The following SNX29 variants were observed in gnomAD, a reference collection of about 807,000 sequenced individuals.
The protein encoded by SNX29 is sorting nexin-29.
Under a neutral mutation model 102.1 loss-of-function variants are expected in SNX29, and 78 were observed. The observed-to-expected ratio is 0.76, with a 90% CI of 0.64 to 0.92. SNX29 has a LOEUF of 0.92. Among genes scored for constraint, SNX29 ranks in the 40% least tolerant of loss-of-function variants. SNX29 has a pLI of 0.00. For synonymous variants in SNX29, 580 were observed against 414.5 expected (o/e 1.40, Z -4.85); for missense variants, 1,280 against 1,061.7 (o/e 1.21, Z -2.86).
intron 16 of SNX29, among the ~76,000 whole-genome samples, chr16:12,381,906 C>T (rs1267241930): frequency 3.3e-5 from 5 of 149,894 alleles, no homozygotes; most frequent in Admixed American, 3.3e-4. Flanking sequence ...CTCCCGTCAT[C>T]CATCTACCCA....
At chr16:12,368,269 C>G (rs1041666677) in intron 16 of SNX29, among the ~76,000 whole-genome samples, 2 of 152,184 alleles carry the variant, frequency 1.3e-5, no homozygotes, top group African/African-American at 4.8e-5. Flanking sequence ...CCCTGAAGAT[C>G]AAAGTTTCGT....
chr16:12,172,126 A>C (rs1285377814), intron 13 of SNX29, among the ~76,000 whole-genome samples: 1 of 152,204 alleles, frequency 6.6e-6, no homozygotes, highest in South Asian at 2.1e-4. Context: ...AGACTTAACA[A>C]CATGAAGTGT....
chr16:12,031,609 A>G (rs577190263), intron 4 of SNX29, among the ~76,000 whole-genome samples: 174 of 151,762 alleles, frequency 1.1e-3, no homozygotes, highest in African/African-American at 4.1e-3. Context: ...AATCGAGACC[A>G]TCCTAGCTAA....
chr16:12,560,870 T>TTAGTTCA (rs1241407946), intron 20 of SNX29: 3 of 186,186 alleles, frequency 1.6e-5, no homozygotes, highest in Non-Finnish European at 3.4e-5. Context: ...TGTTAGTCCT[T>TTAGTTCA]TAGTTCAAGA....
chr16:12,292,269 C>T (rs933506710), intron 15 of SNX29, among the ~76,000 whole-genome samples: 3 of 152,150 alleles, frequency 2.0e-5, no homozygotes, highest in African/African-American at 7.2e-5. Flanking sequence ...GGCAAGACGC[C>T]TCCATAGTTC....
chr16:12,023,366 T>G (rs1596619623), intron 3 of SNX29, among the ~76,000 whole-genome samples: 1 of 144,778 alleles, frequency 6.9e-6, no homozygotes, highest in Non-Finnish European at 1.5e-5. Flanking sequence ...GAGAGTATTC[T>G]GGGAACCCCC....
At chr16:12,093,056 T>C (rs972163206) in intron 11 of SNX29, among the ~76,000 whole-genome samples, 8 of 152,194 alleles carry the variant, frequency 5.3e-5, no homozygotes, top group African/African-American at 7.2e-5. Context: ...TGCTGTCTTA[T>C]GGAGTTTGTA....
chr16:12,023,247 A>G (rs2057082595), intron 3 of SNX29, among the ~76,000 whole-genome samples: 1 of 151,968 alleles, frequency 6.6e-6, no homozygotes, highest in Admixed American at 6.6e-5. Context: ...TAAGTGACCC[A>G]CTTATTTAAA....
At chr16:12,487,130 G>A (rs576110338) in intron 19 of SNX29, among the ~76,000 whole-genome samples, 1 of 152,164 alleles carries the variant, frequency 6.6e-6, no homozygotes, top group East Asian at 1.9e-4. Context: ...ATTGAAGGTG[G>A]TTACATCTGT....
chr16:12,171,020 A>C (rs751810309), intron 13 of SNX29, among the ~76,000 whole-genome samples: 2 of 151,920 alleles, frequency 1.3e-5, no homozygotes, highest in Non-Finnish European at 2.9e-5. Context: ...CATATCTTAG[A>C]TCACATAGCA....
chr16:12,150,101 G>A (rs147752821), intron 13 of SNX29, among the ~76,000 whole-genome samples: 1 of 152,290 alleles, frequency 6.6e-6, no homozygotes, highest in East Asian at 1.9e-4. Flanking sequence ...CGGTTCTGTG[G>A]ATAGTGGGCA....
intron 16 of SNX29, among the ~76,000 whole-genome samples, chr16:12,362,808 A>G (rs1460796385): frequency 6.6e-6 from 1 of 152,042 alleles, no homozygotes; most frequent in Non-Finnish European, 1.5e-5. Flanking sequence ...GTCATGTTAC[A>G]TTGATTTATC....
intron 11 of SNX29, among the ~76,000 whole-genome samples, chr16:12,124,691 T>C (rs554854554): frequency 1.3e-3 from 200 of 152,350 alleles, no homozygotes; most frequent in South Asian, 2.5e-3. Flanking sequence ...GGTTCCTTGC[T>C]CAGCTGCATT....
At chr16:12,522,030 G>C (rs981438869) in intron 19 of SNX29, among the ~76,000 whole-genome samples, 4 of 152,088 alleles carry the variant, frequency 2.6e-5, no homozygotes, top group African/African-American at 9.7e-5. Context: ...TGGAGAAGAA[G>C]ACTTTGTTGT....
intron 11 of SNX29, chr16:12,090,317 G>A (rs2052456427): frequency 6.6e-6 from 1 of 152,370 alleles, no homozygotes; most frequent in Admixed American, 6.5e-5. Context: ...CTACCTGGAA[G>A]CTTTTACGGT....
chr16:12,534,954 C>T (rs1327910228), intron 20 of SNX29, among the ~76,000 whole-genome samples: 2 of 152,196 alleles, frequency 1.3e-5, no homozygotes, highest in Non-Finnish European at 1.5e-5. Context: ...CCCTGCACAG[C>T]AGAGTTATCT....
intron 13 of SNX29, among the ~76,000 whole-genome samples, chr16:12,160,962 C>T (rs915412805): frequency 6.6e-6 from 1 of 152,146 alleles, no homozygotes; most frequent in African/African-American, 2.4e-5. Flanking sequence ...TGTGTGATTT[C>T]GAGATATGCA....
At chr16:12,332,933 G>A (rs1262475532) in intron 15 of SNX29, among the ~76,000 whole-genome samples, 1 of 151,994 alleles carries the variant, frequency 6.6e-6, no homozygotes, top group Non-Finnish European at 1.5e-5. Flanking sequence ...GACCCTCATG[G>A]CCACCCCTGC....
At chr16:12,015,595 A>C (rs1328460152) in intron 3 of SNX29, among the ~76,000 whole-genome samples, 1 of 143,342 alleles carries the variant, frequency 7.0e-6, no homozygotes, top group Admixed American at 7.2e-5. Flanking sequence ...GAGTGCAGTG[A>C]TGCGATCTTG....
Sources: gnomAD v4.1 joint callset for allele counts (sites outside exome capture counted in the v4.1 genomes callset) on GRCh38, gnomAD v4.1.1 for gene constraint, MANE v1.5 for transcripts, NCBI Gene and HGNC (gene_info 2026-07-23, HGNC 2026-07-21) for gene names.